Variants in SLC25A26 observed in about 807,000 individuals in gnomAD.
SLC25A26 encodes the protein solute carrier family 25 member 26, also known as mitochondrial S-adenosylmethionine carrier protein.
Under a neutral mutation model 37.8 loss-of-function variants are expected in SLC25A26, and 36 were observed. The ratio of observed to expected loss-of-function variants is 0.95; its 90% CI spans 0.73 to 1.26. The LOEUF (loss-of-function observed/expected upper bound fraction) is 1.26. Among genes scored for constraint, SLC25A26 ranks in the 50% most tolerant of loss-of-function variants. The pLI, the probability that SLC25A26 is intolerant of heterozygous loss-of-function variation, is 0.00. For missense variants in SLC25A26, 390 were observed against 331.1 expected (o/e 1.18, Z -1.38); for synonymous variants, 129 against 122.5 (o/e 1.05, Z -0.35).
chr3:66,231,136 C>CT (rs1180566917), intron 1 of SLC25A26, among the ~76,000 whole-genome samples: 3 of 152,218 alleles, frequency 2.0e-5, no homozygotes, highest in African/African-American at 7.2e-5. Context: ...GATTGTGCCA[C>CT]TGCACTCCAG....
chr3:66,159,596 GCA>G (rs2070329265), intron 1 of SLC25A26, among the ~76,000 whole-genome samples: 1 of 152,116 alleles, frequency 6.6e-6, no homozygotes. Context: ...TTCAGGTAAA[GCA>G]CCACTACATT....
At chr3:66,190,074 G>A (rs1248620428) in intron 1 of SLC25A26, among the ~76,000 whole-genome samples, 2 of 152,180 alleles carry the variant, frequency 1.3e-5, no homozygotes, top group Admixed American at 6.5e-5. Flanking sequence ...CACTTTGGGA[G>A]GCCGAGGCAG....
Position 66,208,974 on chromosome 3 carries a change from G to GTATATA in SLC25A26, c.-353-11758_-353-11753dup, listed in dbSNP as rs1553655988. ...TATATATATACCCATATAAAGGTGT[G>GTATATA]TATATATATATATATTTATGTACCC... On this transcript the variant is annotated intron_variant, in intron 1 of 10. Coordinates refer to the SLC25A26 transcript ENST00000676754. 5.3e-3 allele frequency among the ~76,000 whole-genome samples: 438 copies of GTATATA among 83,072 alleles called. 19 individuals carry two copies. The highest frequency in any genetic ancestry group is 0.011 in the African/African-American group (199 of 18,664). 54.5% of individuals were successfully genotyped at this position (83,072 alleles called of 152,430 possible). A position where few individuals can be genotyped will look rare whatever the true frequency, so the allele number is the denominator to read the frequency against.
intron 1 of SLC25A26, among the ~76,000 whole-genome samples, chr3:66,229,117 T>A (rs2071892291): frequency 6.6e-6 from 1 of 152,206 alleles, no homozygotes; most frequent in Admixed American, 6.5e-5. Context: ...CCAGCAAACT[T>A]TGAAGGATGT....
At chr3:66,133,906 G>A (rs552271481) in exon 1 of SLC25A26, 24 of 152,202 alleles carry the variant, frequency 1.6e-4, no homozygotes, top group African/African-American at 5.3e-4. Context: ...AGCTACCCTC[G>A]TTCTATAAGA....
Position 66,370,524 on chromosome 3 carries a change from C to A in SLC25A26, c.634-5C>A. 6.2e-7 allele frequency: 1 copy of A among 1,613,380 alleles called. No individual in the cohort carries two copies. Among genetic ancestry groups the A allele is most frequent in the Non-Finnish European group, 8.5e-7 (1 of 1,179,542 alleles). The stretch of plus-strand genomic sequence containing the variant: ...TAACGGGTTTCTCTTTGTCTGTTCA[C>A]ACAGGCTGGCTCCAGCACTGCTGAT... On this transcript the variant is annotated splice_region_variant and splice_polypyrimidine_tract_variant and intron_variant, in intron 8 of 9. Transcript: ENST00000354883.
intron 5 of SLC25A26, among the ~76,000 whole-genome samples, chr3:66,275,072 T>TA (rs1333624314): frequency 2.0e-5 from 3 of 151,868 alleles, no homozygotes; most frequent in Admixed American, 2.0e-4. Flanking sequence ...TACGCAGCCA[T>TA]AAAAAATGAT....
intron 1 of SLC25A26, among the ~76,000 whole-genome samples, chr3:66,153,585 G>A (rs957899050): frequency 3.3e-5 from 5 of 152,200 alleles, no homozygotes; most frequent in African/African-American, 9.6e-5. Flanking sequence ...CGCAGAATGC[G>A]CAGAATTTCT....
At chr3:66,149,925 T>C (rs2070175136) in intron 1 of SLC25A26, among the ~76,000 whole-genome samples, 1 of 152,144 alleles carries the variant, frequency 6.6e-6, no homozygotes, top group Non-Finnish European at 1.5e-5. Flanking sequence ...AAGTAATTTA[T>C]CCAAGGTCAT....
chr3:66,302,917 TAAAG>T lies in SLC25A26; in HGVS notation c.453+39544_453+39547del, dbSNP rs560841145. 1.6e-3 allele frequency among the ~76,000 whole-genome samples: 242 copies of T among 152,220 alleles called. 1 individual carries two copies. The highest frequency in any genetic ancestry group is 3.4e-3 in the Middle Eastern group (1 of 294). ...CTCAGTGCTAGGGAGTCAGCAGGGA[TAAAG>T]AAAGATAACTGATGCCTTAGAGCAG... On this transcript the variant is annotated intron_variant, in intron 5 of 9. Transcript: ENST00000354883.
Position 66,353,829 on chromosome 3 carries a change from C to T in SLC25A26, c.498+7421C>T, listed in dbSNP as rs928299410. Among the ~76,000 whole-genome samples, 4 of 152,168 alleles carry T rather than the reference C, an allele frequency of 2.6e-5. No homozygotes were observed. The East Asian group carries it at 5.8e-4, about 22-fold the overall frequency. ...AGTTCAGCCAGAACCGAATTTTCCA[C>T]GTGCTTGTGTTTAACTCCCCACAGG... On this transcript the variant is annotated intron_variant, in intron 6 of 9. Coordinates refer to ENST00000354883, the MANE Select transcript of SLC25A26 (RefSeq NM_001379210.1).
At chr3:66,355,589 T>C (rs1335043893) in intron 6 of SLC25A26, among the ~76,000 whole-genome samples, 1 of 152,252 alleles carries the variant, frequency 6.6e-6, no homozygotes, top group Non-Finnish European at 1.5e-5. Context: ...CCAGTTATGT[T>C]TGATACTGTT....
intron 6 of SLC25A26, among the ~76,000 whole-genome samples, chr3:66,356,429 A>C (rs945322995): frequency 6.6e-6 from 1 of 152,204 alleles, no homozygotes; most frequent in Admixed American, 6.5e-5. Flanking sequence ...TAGTGGTATC[A>C]CTGAGTATCC....
At chr3:66,323,592 G>A (rs1307969716) in intron 5 of SLC25A26, among the ~76,000 whole-genome samples, 1 of 152,160 alleles carries the variant, frequency 6.6e-6, no homozygotes, top group Non-Finnish European at 1.5e-5. Context: ...GATTGGTTGA[G>A]CCTTAGGAGT....
Position 66,208,677 on chromosome 3 carries a change from T to TAC in SLC25A26, c.-353-12061_-353-12060dup, listed in dbSNP as rs1553655863. ...CTTTATATGGGTATATATATATATATACACATTTATATGGGTATATATATA... is the reference window on the plus strand; with the variant it reads ...CTTTATATGGGTATATATATATATATACACACATTTATATGGGTATATATATA... On this transcript the variant is annotated intron_variant, in intron 1 of 10. Coordinates refer to the SLC25A26 transcript ENST00000676754. 9.4e-4 allele frequency among the ~76,000 whole-genome samples: 136 copies of TAC among 144,768 alleles called. 7 individuals carry two copies. The highest frequency in any genetic ancestry group is 3.4e-3 in the African/African-American group (133 of 39,472). The allele number at this position is 144,768 out of a possible 152,430, so 95.0% of individuals were successfully genotyped here. A position where few individuals can be genotyped will look rare whatever the true frequency, so the allele number is the denominator to read the frequency against.
chr3:66,286,249 CATCTCTA>C (rs1258238538), intron 5 of SLC25A26, among the ~76,000 whole-genome samples: 1 of 152,060 alleles, frequency 6.6e-6, no homozygotes, highest in Non-Finnish European at 1.5e-5. Context: ...CTTTGGATGT[CATCTCTA>C]GGAACTCTGC....
At chr3:66,163,257 G>T (rs2070384168) in intron 1 of SLC25A26, among the ~76,000 whole-genome samples, 1 of 152,194 alleles carries the variant, frequency 6.6e-6, no homozygotes, top group African/African-American at 2.4e-5. Flanking sequence ...AATCTGTCAG[G>T]GGCCAGCATT....
At chr3:66,197,216 T>C (rs1010815460) in intron 1 of SLC25A26, among the ~76,000 whole-genome samples, 267 of 152,244 alleles carry the variant, frequency 1.8e-3, no homozygotes, top group Non-Finnish European at 1.4e-3. Context: ...CTCAGATATA[T>C]ATATATACAT....
upstream of SLC25A26, among the ~76,000 whole-genome samples, chr3:66,216,813 C>T (rs1261647433): frequency 6.6e-6 from 1 of 152,050 alleles, no homozygotes; most frequent in Non-Finnish European, 1.5e-5. Flanking sequence ...TACCACATTG[C>T]CTGTATCTTT....
Sources: allele counts gnomAD v4.1 joint callset (sites outside exome capture counted in the v4.1 genomes callset), GRCh38; gene constraint gnomAD v4.1.1; transcripts MANE v1.5; gene names NCBI Gene and HGNC (gene_info 2026-07-23, HGNC 2026-07-21).